The following PEX7 variants were observed in gnomAD, a reference collection of about 807,000 sequenced individuals.
PEX7 encodes the protein PTS2 receptor.
Under a neutral mutation model 47.5 loss-of-function variants are expected in PEX7, and 34 were observed. That is an observed-to-expected ratio of 0.72 (90% CI 0.54 to 0.95). The LOEUF (loss-of-function observed/expected upper bound fraction) is 0.95, where lower values mean the gene tolerates loss of function less well. Among genes scored for constraint, PEX7 ranks in the 40% least tolerant of loss-of-function variants. The probability of loss-of-function intolerance (pLI) is 0.00; values close to 1 mark genes in which losing one functional copy is unlikely to be tolerated. For synonymous variants in PEX7, 141 were observed against 148.8 expected (o/e 0.95, Z 0.38); for missense variants, 394 against 400.3 (o/e 0.98, Z 0.13).
At chr6:136,828,175 T>C (rs569967121) in intron 3 of PEX7, among the ~76,000 whole-genome samples, 2 of 152,306 alleles carry the variant, frequency 1.3e-5, no homozygotes, top group South Asian at 4.1e-4. Context: ...AAAACAGTAA[T>C]ATTCATGAAA....
Position 136,827,392 on chromosome 6 carries a change from T to C in PEX7, c.339+923T>C, listed in dbSNP as rs113861804. Among the ~76,000 whole-genome samples the C allele has an allele frequency of 4.2e-3, 641 of 152,162 alleles. 3 individuals carry two copies. The highest frequency in any genetic ancestry group is 0.015 in the African/African-American group (611 of 41,574). On this transcript the variant is annotated intron_variant, in intron 3 of 9. Transcript: ENST00000318471. ...ACTATGTTTTCAGGGAATTACTGAATATTAAGACAATTTTGGTAAAGGAGA... is the reference window on the plus strand; with the variant it reads ...ACTATGTTTTCAGGGAATTACTGAACATTAAGACAATTTTGGTAAAGGAGA...
chr6:136,855,507 T>C (rs1013535823), intron 5 of PEX7, among the ~76,000 whole-genome samples: 1 of 152,086 alleles, frequency 6.6e-6, no homozygotes, highest in Non-Finnish European at 1.5e-5. Flanking sequence ...GCCCGGCTAA[T>C]TTTTGTATTT....
chr6:136,882,403 C>T (rs1312176727), intron 8 of PEX7, among the ~76,000 whole-genome samples: 1 of 152,012 alleles, frequency 6.6e-6, no homozygotes, highest in Non-Finnish European at 1.5e-5. Flanking sequence ...GTCTCGAACT[C>T]CTGACCTCAA....
intron 6 of PEX7, among the ~76,000 whole-genome samples, chr6:136,867,270 T>G (rs1775089446): frequency 6.6e-6 from 1 of 152,184 alleles, no homozygotes; most frequent in African/African-American, 2.4e-5. Context: ...GGATTAAATA[T>G]GTGTTAATAT....
chr6:136,869,115 T>C (rs577429405), intron 6 of PEX7, among the ~76,000 whole-genome samples: 109 of 152,180 alleles, frequency 7.2e-4, no homozygotes, highest in Non-Finnish European at 1.3e-3. Flanking sequence ...TTTTTAGAGA[T>C]GAGGTCTCAC....
chr6:136,859,819 T>C (rs778836165), intron 5 of PEX7, among the ~76,000 whole-genome samples: 1 of 152,002 alleles, frequency 6.6e-6, no homozygotes, highest in Non-Finnish European at 1.5e-5. Context: ...GGTCAGGAGT[T>C]TGAGACCAGC....
chr6:136,878,532 G>A (rs1371230011), intron 8 of PEX7, among the ~76,000 whole-genome samples: 6 of 152,054 alleles, frequency 3.9e-5, no homozygotes, highest in South Asian at 2.1e-4. Flanking sequence ...GAATTTTGTC[G>A]AAAGCCTTTT....
chr6:136,905,373 T>A (rs573909953), intron 9 of PEX7, among the ~76,000 whole-genome samples: 4 of 152,360 alleles, frequency 2.6e-5, no homozygotes, highest in African/African-American at 9.6e-5. Flanking sequence ...CAGTAAGTTC[T>A]GTTTCTCTTC....
At chr6:136,875,950 T>C (rs913772912) in intron 8 of PEX7, among the ~76,000 whole-genome samples, 9 of 152,322 alleles carry the variant, frequency 5.9e-5, no homozygotes, top group African/African-American at 2.2e-4. Context: ...ATCAGAATCA[T>C]TGCCCTCGCT....
intron 3 of PEX7, among the ~76,000 whole-genome samples, chr6:136,839,372 T>G (rs1774452961): frequency 6.6e-6 from 1 of 152,224 alleles, no homozygotes; most frequent in Non-Finnish European, 1.5e-5. Context: ...AGGGCAATGC[T>G]TTACAGTAGA....
intron 5 of PEX7, among the ~76,000 whole-genome samples, chr6:136,846,890 A>G (rs539093624): frequency 2.0e-5 from 3 of 152,290 alleles, no homozygotes; most frequent in Admixed American, 6.5e-5. Context: ...TGGTATTTCT[A>G]GTTCTAGATC....
chr6:136,907,224 A>C (rs1364747831), intron 9 of PEX7, among the ~76,000 whole-genome samples: 5 of 152,164 alleles, frequency 3.3e-5, no homozygotes, highest in Non-Finnish European at 2.9e-5. Context: ...ACAGTGGATT[A>C]ATGTCAACCA....
chr6:136,842,358 T>C (rs569958069), intron 3 of PEX7, among the ~76,000 whole-genome samples: 1 of 152,226 alleles, frequency 6.6e-6, no homozygotes. Context: ...TTTAGCTCTG[T>C]CATAGAGACC....
At chr6:136,856,071 A>G (rs1774857006) in intron 5 of PEX7, among the ~76,000 whole-genome samples, 1 of 152,186 alleles carries the variant, frequency 6.6e-6, no homozygotes, top group Admixed American at 6.5e-5. Context: ...AGACTGAATA[A>G]CAGAAGATGA....
chr6:136,887,053 A>C lies in PEX7; in HGVS notation c.804-11089A>C, dbSNP rs1208232039. Among the ~76,000 whole-genome samples the C allele has an allele frequency of 2.6e-5, 4 of 152,218 alleles. No homozygotes were observed. The East Asian group carries it at 7.7e-4, about 29-fold the overall frequency. ...CAGAGTGAGACCCTGTCTTGAAAAA[A>C]ACAAACAAAAAAAACCTGTTACCAG... On this transcript the variant is annotated intron_variant, in intron 8 of 9. Coordinates refer to ENST00000318471, the MANE Select transcript of PEX7 (RefSeq NM_000288.4).
chr6:136,905,049 A>AT (rs1480961695), intron 9 of PEX7, among the ~76,000 whole-genome samples: 1 of 151,958 alleles, frequency 6.6e-6, no homozygotes, highest in Non-Finnish European at 1.5e-5. Context: ...AGTCTTTTTT[A>AT]TTTTTTTAGT....
intron 8 of PEX7, among the ~76,000 whole-genome samples, chr6:136,882,307 A>C (rs150674794): frequency 6.7e-6 from 1 of 149,394 alleles, no homozygotes; most frequent in African/African-American, 2.5e-5. Context: ...CCTCCTGACT[A>C]TCTGGGACTA....
rs545599248 is a variant in PEX7, at chr6:136,903,201, A to T, written c.903+4960A>T. Among the ~76,000 whole-genome samples the T allele has an allele frequency of 1.2e-3, 187 of 152,286 alleles. 1 individual carries two copies. The highest frequency in any genetic ancestry group is 1.9e-3 in the Non-Finnish European group (128 of 68,014). On this transcript the variant is annotated intron_variant, in intron 9 of 9. Coordinates refer to ENST00000318471, the MANE Select transcript of PEX7 (RefSeq NM_000288.4). ...CTGTATAACCACTATCCACGTTGAG[A>T]TACAGAACATCGCTTGCATTCCAGA... is the stretch of plus-strand genomic sequence containing the variant.
intron 2 of PEX7, among the ~76,000 whole-genome samples, chr6:136,826,107 TGG>T (rs1774184752): frequency 1.3e-5 from 2 of 152,196 alleles, no homozygotes; most frequent in Non-Finnish European, 2.9e-5. Flanking sequence ...TACATTCCAC[TGG>T]ACTGTTTTTT....
Sources: gnomAD v4.1 joint callset for allele counts (sites outside exome capture counted in the v4.1 genomes callset) on GRCh38, gnomAD v4.1.1 for gene constraint, MANE v1.5 for transcripts, NCBI Gene and HGNC (gene_info 2026-07-23, HGNC 2026-07-21) for gene names.